PAK5: variants seen among roughly 807,000 people sequenced by gnomAD.
PAK5 encodes the protein p21 (RAC1) activated kinase 5.
A neutral mutation model predicts 65.9 loss-of-function variants in PAK5; 16 were observed. The ratio of observed to expected loss-of-function variants is 0.24; its 90% CI spans 0.16 to 0.37. The LOEUF is 0.37. Among genes scored for constraint, PAK5 ranks in the 10% least tolerant of loss-of-function variants. PAK5 has a pLI of 1.00. For synonymous variants in PAK5, 371 were observed against 354.9 expected (o/e 1.05, Z -0.51); for missense variants, 785 against 903.9 (o/e 0.87, Z 1.69).
intron 3 of PAK5, among the ~76,000 whole-genome samples, chr20:9,632,411 G>A (rs948451251): frequency 6.6e-6 from 1 of 152,142 alleles, no homozygotes; most frequent in South Asian, 2.1e-4. Flanking sequence ...TTTGCTTCTC[G>A]TTGCATGATT....
At chr20:9,590,046 G>A (rs549762404) in intron 3 of PAK5, among the ~76,000 whole-genome samples, 1 of 151,920 alleles carries the variant, frequency 6.6e-6, no homozygotes, top group Non-Finnish European at 1.5e-5. Flanking sequence ...GGAGTATAGT[G>A]GTGCAATCAT....
At chr20:9,562,767 A>G in intron 6 of PAK5, 124 bp downstream of exon 6, 1 of 771,750 alleles carries the variant, frequency 1.3e-6, no homozygotes, top group Non-Finnish European at 2.2e-6. Context: ...ATGTAGGGGA[A>G]AGGGTAGTCA....
intron 2 of PAK5, among the ~76,000 whole-genome samples, chr20:9,669,902 C>A (rs967882984): frequency 6.6e-6 from 1 of 151,356 alleles, no homozygotes; most frequent in Non-Finnish European, 1.5e-5. Context: ...AGGTATATCT[C>A]CTAATGCTAT....
intron 1 of PAK5, among the ~76,000 whole-genome samples, chr20:9,718,907 T>C (rs1448575113): frequency 7.2e-5 from 11 of 152,166 alleles, no homozygotes. Context: ...TTTGACAGTG[T>C]AAAAGCCAGG....
chr20:9,761,290 AG>A (rs367709110), intron 1 of PAK5, among the ~76,000 whole-genome samples: 68 of 152,292 alleles, frequency 4.5e-4, no homozygotes, highest in African/African-American at 1.5e-3. Flanking sequence ...CCTGTGTTAC[AG>A]GCCCGTTTAG....
At chr20:9,767,105 G>C (rs139669952) in intron 1 of PAK5, among the ~76,000 whole-genome samples, 8 of 152,180 alleles carry the variant, frequency 5.3e-5, no homozygotes, top group African/African-American at 1.9e-4. Context: ...CTGAACCACT[G>C]CACCAATCTT....
intron 7 of PAK5, among the ~76,000 whole-genome samples, chr20:9,550,323 CAG>C (rs1030052323): frequency 2.0e-5 from 3 of 152,138 alleles, no homozygotes; most frequent in Non-Finnish European, 4.4e-5. Flanking sequence ...GCCCAGCCAC[CAG>C]TAGGACCAGT....
At chr20:9,627,532 C>A (rs1021337238) in intron 3 of PAK5, among the ~76,000 whole-genome samples, 4 of 152,204 alleles carry the variant, frequency 2.6e-5, no homozygotes, top group African/African-American at 4.8e-5. Flanking sequence ...TGAAAGATAC[C>A]ACTGGAAGCC....
chr20:9,830,219 G>A (rs1978599796), intron 1 of PAK5, among the ~76,000 whole-genome samples: 1 of 152,188 alleles, frequency 6.6e-6, no homozygotes, highest in South Asian at 2.1e-4. Flanking sequence ...TCTCTGTCCT[G>A]TTTTAAGCAC....
At chr20:9,554,865 T>C (rs2045482863) in intron 7 of PAK5, among the ~76,000 whole-genome samples, 1 of 152,170 alleles carries the variant, frequency 6.6e-6, no homozygotes, top group African/African-American at 2.4e-5. Context: ...TTCCTCTGCC[T>C]GGAATGCTCC....
chr20:9,664,785 T>C (rs1036435418), intron 2 of PAK5, among the ~76,000 whole-genome samples: 1 of 152,096 alleles, frequency 6.6e-6, no homozygotes, highest in African/African-American at 2.4e-5. Context: ...GCCTCATAAA[T>C]ACAAGGCTAA....
intron 3 of PAK5, among the ~76,000 whole-genome samples, chr20:9,621,370 TA>T (rs896764104): frequency 1.5e-5 from 2 of 134,996 alleles, no homozygotes; most frequent in African/African-American, 5.6e-5. Context: ...ATAGACAGCT[TA>T]AAAAAATGTC....
At chr20:9,809,378 C>G (rs957572187) in intron 1 of PAK5, among the ~76,000 whole-genome samples, 1 of 143,488 alleles carries the variant, frequency 7.0e-6, no homozygotes, top group East Asian at 2.0e-4. Context: ...ATAATGACTC[C>G]GATTCTAGGG....
intron 1 of PAK5, among the ~76,000 whole-genome samples, chr20:9,834,455 A>G (rs1467953624): frequency 4.6e-5 from 7 of 152,202 alleles, no homozygotes; most frequent in Non-Finnish European, 8.8e-5. Context: ...CCTTATAAAG[A>G]GCAATTTCTC....
chr20:9,702,772 T>C (rs2047956232), intron 2 of PAK5, among the ~76,000 whole-genome samples: 1 of 152,176 alleles, frequency 6.6e-6, no homozygotes, highest in Admixed American at 6.5e-5. Flanking sequence ...GACTGCCACT[T>C]TAATTTTGCT....
intron 2 of PAK5, among the ~76,000 whole-genome samples, chr20:9,661,003 G>A (rs1223820191): frequency 6.6e-6 from 1 of 152,148 alleles, no homozygotes; most frequent in African/African-American, 2.4e-5. Flanking sequence ...GCTCTGAGGG[G>A]TGGTGCAGGG....
intron 3 of PAK5, among the ~76,000 whole-genome samples, chr20:9,601,680 G>A (rs932785231): frequency 4.6e-5 from 7 of 152,076 alleles, no homozygotes; most frequent in South Asian, 2.1e-4. Flanking sequence ...ACTTGGCCAC[G>A]TGTCTTGTTT....
At chr20:9,619,601 C>T (rs998915002) in intron 3 of PAK5, among the ~76,000 whole-genome samples, 3 of 152,276 alleles carry the variant, frequency 2.0e-5, no homozygotes, top group South Asian at 4.1e-4. Context: ...ATGAGGAGCT[C>T]GCCTTTCCAA....
chr20:9,770,451 C>T (rs776434194), intron 1 of PAK5, among the ~76,000 whole-genome samples: 22 of 152,072 alleles, frequency 1.4e-4, no homozygotes, highest in Non-Finnish European at 2.6e-4. Context: ...TCTGACTACT[C>T]GGCAGCTCTA....
Sources: gnomAD v4.1 joint callset for allele counts (sites outside exome capture counted in the v4.1 genomes callset) on GRCh38, gnomAD v4.1.1 for gene constraint, MANE v1.5 for transcripts, NCBI Gene and HGNC (gene_info 2026-07-23, HGNC 2026-07-21) for gene names.